The following FMN2 variants were observed in gnomAD, a reference collection of about 807,000 sequenced individuals.
FMN2 encodes the protein formin 2.
A neutral mutation model predicts 142.3 loss-of-function variants in FMN2; 51 were observed. The ratio of observed to expected loss-of-function variants is 0.36; its 90% CI spans 0.29 to 0.45. FMN2 has a LOEUF of 0.45. Among genes scored for constraint, FMN2 ranks in the 20% least tolerant of loss-of-function variants. The pLI is 1.00. For missense variants in FMN2, 1,936 were observed against 2,122.8 expected (o/e 0.91, Z 1.73); for synonymous variants, 882 against 869.8 (o/e 1.01, Z -0.25).
intron 15 of FMN2, among the ~76,000 whole-genome samples, chr1:240,408,123 G>GT (rs1674274642): frequency 6.6e-6 from 1 of 152,068 alleles, no homozygotes; most frequent in African/African-American, 2.4e-5. Flanking sequence ...CTTTTTTGTT[G>GT]TTTTTGTTTG....
In FMN2 at chr1:240,241,825, C is replaced by CTTTTTTTTTT. The variant is rs71567282; in HGVS notation, c.4066-16100_4066-16091dup. On this transcript the variant is annotated intron_variant, in intron 6 of 17. Coordinates refer to ENST00000319653, the MANE Select transcript of FMN2 (RefSeq NM_020066.5). The stretch of plus-strand genomic sequence containing the variant: ...ATTTTCTTTATTTTAGTGTGCCTTG[C>CTTTTTTTTTT]TTTTTTTTTTTTTTTTTTTTTTTTT... 2.4e-4 allele frequency among the ~76,000 whole-genome samples: 23 copies of CTTTTTTTTTT among 96,224 alleles called. 4 individuals carry two copies. Among genetic ancestry groups the CTTTTTTTTTT allele is most frequent in the African/African-American group, 7.6e-4 (20 of 26,318 alleles). The allele number at this position is 96,224 out of a possible 152,430, so 63.1% of individuals were successfully genotyped here. A position where few individuals can be genotyped will look rare whatever the true frequency, so the allele number is the denominator to read the frequency against.
intron 2 of FMN2, chr1:240,170,982 T>A (rs1233439689): frequency 2.5e-6 from 2 of 798,750 alleles, no homozygotes; most frequent in Non-Finnish European, 4.6e-6. Context: ...GTATTAGGAA[T>A]GTCAAGGTCG....
chr1:240,162,320 C>T (rs564050885), intron 2 of FMN2, among the ~76,000 whole-genome samples: 72 of 151,738 alleles, frequency 4.7e-4, no homozygotes, highest in Middle Eastern at 3.4e-3. Context: ...AAAAATTAGC[C>T]GGGCGTGGTG....
chr1:240,306,759 A>G (rs551129319), intron 8 of FMN2, among the ~76,000 whole-genome samples: 20 of 152,352 alleles, frequency 1.3e-4, no homozygotes, highest in African/African-American at 4.8e-4. Context: ...CTTTGAATAT[A>G]TACCCACTAA....
intron 4 of FMN2, among the ~76,000 whole-genome samples, chr1:240,200,157 G>A (rs1666073233): frequency 6.6e-6 from 1 of 152,180 alleles, no homozygotes; most frequent in African/African-American, 2.4e-5. Context: ...GGACAACAGA[G>A]CGCCTGGCAG....
intron 2 of FMN2, among the ~76,000 whole-genome samples, chr1:240,164,865 T>TTC (rs1664415071): frequency 6.6e-6 from 1 of 152,196 alleles, no homozygotes; most frequent in Admixed American, 6.5e-5. Context: ...GGAATGATCT[T>TTC]TCTATAGATA....
chr1:240,437,430 G>C (rs1022411502), intron 15 of FMN2, among the ~76,000 whole-genome samples: 5 of 151,776 alleles, frequency 3.3e-5, no homozygotes, highest in Admixed American at 1.3e-4. Context: ...CAAGTAGCTG[G>C]GACTACAGGT....
intron 16 of FMN2, among the ~76,000 whole-genome samples, chr1:240,468,035 C>T (rs999150348): frequency 1.3e-5 from 2 of 152,040 alleles, no homozygotes; most frequent in East Asian, 3.9e-4. Flanking sequence ...TATTTTCCTT[C>T]TGTTATCTGG....
chr1:240,388,005 G>A (rs531865554), intron 14 of FMN2, among the ~76,000 whole-genome samples: 18 of 151,692 alleles, frequency 1.2e-4, no homozygotes, highest in South Asian at 4.2e-4. Flanking sequence ...GTGAAACCCC[G>A]TTTCTACTAA....
intron 7 of FMN2, among the ~76,000 whole-genome samples, chr1:240,272,315 A>G (rs1192038124): frequency 6.6e-6 from 1 of 152,168 alleles, no homozygotes; most frequent in Non-Finnish European, 1.5e-5. Flanking sequence ...GTGAGCCCAT[A>G]ATTAATCACA....
intron 15 of FMN2, among the ~76,000 whole-genome samples, chr1:240,405,526 G>A (rs919680334): frequency 6.6e-6 from 1 of 152,068 alleles, no homozygotes; most frequent in African/African-American, 2.4e-5. Flanking sequence ...GCTGAGGCAG[G>A]AGAAGGGCTT....
At chr1:240,303,381 G>T (rs1670271930) in intron 8 of FMN2, among the ~76,000 whole-genome samples, 1 of 152,110 alleles carries the variant, frequency 6.6e-6, no homozygotes, top group African/African-American at 2.4e-5. Flanking sequence ...TAGTATATCT[G>T]GAATGTCATA....
At chr1:240,332,225 G>C (rs1671402122) in intron 11 of FMN2, among the ~76,000 whole-genome samples, 1 of 151,100 alleles carries the variant, frequency 6.6e-6, no homozygotes, top group Admixed American at 6.6e-5. Context: ...CATTTTCATA[G>C]AAGTATCTAC....
chr1:240,361,180 T>C (rs1045580956), intron 14 of FMN2, among the ~76,000 whole-genome samples: 11 of 100,248 alleles, frequency 1.1e-4, no homozygotes, highest in Non-Finnish European at 2.5e-4. Flanking sequence ...TATATATATA[T>C]ATATAAAAGA....
chr1:240,223,312 C>G (rs895552945), intron 6 of FMN2, among the ~76,000 whole-genome samples: 1 of 152,156 alleles, frequency 6.6e-6, no homozygotes, highest in Non-Finnish European at 1.5e-5. Context: ...GTTGAACCAG[C>G]CTTGCATCCC....
chr1:240,173,623 A>G (rs1176299882), intron 2 of FMN2, among the ~76,000 whole-genome samples: 2 of 152,172 alleles, frequency 1.3e-5, no homozygotes, highest in Non-Finnish European at 2.9e-5. Context: ...TGGTGGGAAT[A>G]TAGGAACGTT....
intron 2 of FMN2, among the ~76,000 whole-genome samples, chr1:240,169,967 A>G (rs1370649959): frequency 1.3e-5 from 2 of 152,156 alleles, no homozygotes; most frequent in Non-Finnish European, 2.9e-5. Context: ...TTGATAGACA[A>G]TTGAGCTGGG....
intron 14 of FMN2, among the ~76,000 whole-genome samples, chr1:240,388,161 G>C (rs1485684285): frequency 4.0e-5 from 4 of 100,826 alleles, no homozygotes; most frequent in Non-Finnish European, 7.0e-5. Flanking sequence ...CTGGGCGACA[G>C]AGCAAGACTC....
chr1:240,472,967 G>C (rs1191983712), intron 17 of FMN2, among the ~76,000 whole-genome samples: 1 of 146,366 alleles, frequency 6.8e-6, no homozygotes, highest in Non-Finnish European at 1.5e-5. Flanking sequence ...AAAAAATTAA[G>C]ATAAATCTAC....
Sources: gnomAD v4.1 joint callset for allele counts (sites outside exome capture counted in the v4.1 genomes callset) on GRCh38, gnomAD v4.1.1 for gene constraint, MANE v1.5 for transcripts, NCBI Gene and HGNC (gene_info 2026-07-23, HGNC 2026-07-21) for gene names.